DOK7: variants seen among roughly 807,000 people sequenced by gnomAD.
DOK7 encodes the protein docking protein 7.
Under a neutral mutation model 30.7 loss-of-function variants are expected in DOK7, and 32 were observed. The observed-to-expected ratio is 1.04, with a 90% CI of 0.79 to 1.40. DOK7 has a LOEUF of 1.40. DOK7 is among the 40% of genes most tolerant of loss of function. DOK7 has a pLI of 0.00. For missense variants in DOK7, 1,007 were observed against 699.2 expected (o/e 1.44, Z -4.97); for synonymous variants, 447 against 324.1 (o/e 1.38, Z -4.07).
At chr4:3,467,648 G>A (rs1281223518) in intron 2 of DOK7, among the ~76,000 whole-genome samples, 1 of 150,824 alleles carries the variant, frequency 6.6e-6, no homozygotes, top group African/African-American at 2.5e-5. Flanking sequence ...GCATTTGGGT[G>A]AGTGTGTAAG....
chr4:3,478,480 C>T (rs561241588), intron 4 of DOK7, among the ~76,000 whole-genome samples: 195 of 147,646 alleles, frequency 1.3e-3, no homozygotes, highest in Middle Eastern at 6.9e-3. Context: ...CAGCCCCACC[C>T]GCAAACCTGC....
intron 4 of DOK7, among the ~76,000 whole-genome samples, chr4:3,481,597 G>A (rs1727448565): frequency 6.6e-6 from 1 of 152,092 alleles, no homozygotes; most frequent in Non-Finnish European, 1.5e-5. Context: ...TGCCACCTTG[G>A]GGGATGGAGA....
intron 4 of DOK7, among the ~76,000 whole-genome samples, chr4:3,480,843 G>A (rs1727401372): frequency 1.3e-5 from 2 of 152,266 alleles, no homozygotes; most frequent in South Asian, 4.1e-4. Context: ...GGCCTCAGAG[G>A]CTGCGTGAGA....
chr4:3,470,476 G>A (rs989839788), intron 2 of DOK7, among the ~76,000 whole-genome samples: 1 of 152,190 alleles, frequency 6.6e-6, no homozygotes, highest in Non-Finnish European at 1.5e-5. Context: ...CAGACAGGCC[G>A]AGGGGTGGCG....
At position 3,494,247 on chromosome 4, in the gene DOK7, A is replaced by G. The variant is rs557787246; in HGVS notation, c.*746A>G. Reference sequence around the variant, plus strand: ...CCTGTCTGAACCTCCTCGCAGGGCCAAAGGCTGGCTTGGCCTGTGTTTCCC... The same window carrying G: ...CCTGTCTGAACCTCCTCGCAGGGCCGAAGGCTGGCTTGGCCTGTGTTTCCC... On this transcript the variant is annotated 3_prime_UTR_variant, in exon 7 of 7. Transcript: ENST00000340083. The G allele has an allele frequency of 6.1e-6, 6 of 985,398 alleles. No individual in the cohort carries two copies. In the African/African-American group the frequency reaches 7.0e-5, roughly 11 times the overall value. 61.0% of individuals were successfully genotyped at this position (985,398 alleles called of 1,614,324 possible). A position where few individuals can be genotyped will look rare whatever the true frequency, so the allele number is the denominator to read the frequency against.
Position 3,493,307 on chromosome 4 carries a change from G to C in DOK7, c.1321G>C (p.Gly441Arg), listed in dbSNP as rs778266118. The change falls in exon 7 of 7, where the codon GGG (glycine) becomes CGG (arginine). Residue 441 changes from glycine to arginine, a missense_variant. Gly to Arg is a moderately radical substitution (Grantham distance 125, BLOSUM62 -2). Transcript: ENST00000340083. Reference protein sequence around the residue: ...ARDSGGQTSAGCPSGWLGTRR... With the variant: ...ARDSGGQTSARCPSGWLGTRR... ...GGACTCAGGCGGCCAGACGTCCGCC[G>C]GGTGTCCCTCTGGCTGGCTGGGCAC... 3.7e-6 allele frequency: 6 copies of C among 1,605,842 alleles called. No homozygotes were observed. The highest frequency in any genetic ancestry group is 1.3e-5 in the African/African-American group (1 of 74,784).
chr4:3,491,093 A>G (rs1219224580), intron 6 of DOK7, among the ~76,000 whole-genome samples: 1 of 86,446 alleles, frequency 1.2e-5, no homozygotes, highest in African/African-American at 4.9e-5. Flanking sequence ...ACTCCTGCTC[A>G]TTAATTCCTT....
At chr4:3,473,783 C>T (rs1726912742) in intron 3 of DOK7, 147 bp downstream of exon 3, 1 of 820,254 alleles carries the variant, frequency 1.2e-6, no homozygotes, top group Middle Eastern at 3.7e-4. Flanking sequence ...GTGGACTGAG[C>T]TCCAGCCTGG....
At chr4:3,499,674 G>T (rs1009332841) in intron 6 of DOK7, among the ~76,000 whole-genome samples, 5 of 142,240 alleles carry the variant, frequency 3.5e-5, no homozygotes, top group African/African-American at 4.9e-5. Flanking sequence ...CTCCTATGAG[G>T]GGGGAGAGGG....
At chr4:3,495,687 G>A (rs997944601), downstream of DOK7, among the ~76,000 whole-genome samples, 1 of 152,208 alleles carries the variant, frequency 6.6e-6, no homozygotes, top group South Asian at 2.1e-4. Flanking sequence ...ACAGACACTG[G>A]TTCTGTTTTC....
intron 6 of DOK7, among the ~76,000 whole-genome samples, chr4:3,491,800 CATTGTGGGGAGAG>C (rs1728481441): frequency 6.6e-6 from 1 of 152,230 alleles, no homozygotes; most frequent in South Asian, 2.1e-4. Flanking sequence ...GCTCTGTTGC[CATTGTGGGGAGAG>C]GTGGTGGTGG....
At chr4:3,485,680 G>GCCGGGGAGGGTGCGCT (rs1727733556) in intron 5 of DOK7, 22 bp downstream of exon 5, 4 of 1,533,352 alleles carry the variant, frequency 2.6e-6, no homozygotes, top group Non-Finnish European at 3.5e-6. Context: ...AGCCTGGCCG[G>GCCGGGGAGGGTGCGCT]CCGGGGAGGG....
chr4:3,470,525 T>C (rs1190904940), intron 2 of DOK7, among the ~76,000 whole-genome samples: 2 of 152,084 alleles, frequency 1.3e-5, no homozygotes, highest in African/African-American at 4.8e-5. Context: ...CGAGCGTGGG[T>C]TCAGCATGCG....
At chr4:3,498,225 G>A (rs892822370), downstream of DOK7, among the ~76,000 whole-genome samples, 2 of 152,162 alleles carry the variant, frequency 1.3e-5, no homozygotes, top group East Asian at 3.9e-4. Flanking sequence ...CACAGAAGCC[G>A]AAGCAAAATC....
rs751362567 is a variant in DOK7, at chr4:3,467,093, G to A, written c.100+3542G>A. Among the ~76,000 whole-genome samples, 4 of 152,070 alleles carry A rather than the reference G, an allele frequency of 2.6e-5. No individual in the cohort carries two copies. The East Asian group carries it at 5.8e-4, about 22-fold the overall frequency. On this transcript the variant is annotated intron_variant, in intron 2 of 6. Transcript: ENST00000340083. Reference sequence around the variant, plus strand: ...GTCCCCTCAGGCGGCTACCACCTGCGTTGCTAAGGGCACAGCCTCAAGGTC... The same window carrying A: ...GTCCCCTCAGGCGGCTACCACCTGCATTGCTAAGGGCACAGCCTCAAGGTC...
In DOK7 at chr4:3,494,355, C is replaced by T. The variant is rs1728771005; in HGVS notation, c.*854C>T. On this transcript the variant is annotated 3_prime_UTR_variant, in exon 7 of 7. Coordinates refer to ENST00000340083, the MANE Select transcript of DOK7 (RefSeq NM_173660.5). ...CCGCCCTGGGTGGCTTCCTCTTGCACAGCCTGGAGCCTGCCCTGACCACAG... is the reference window on the plus strand; with the variant it reads ...CCGCCCTGGGTGGCTTCCTCTTGCATAGCCTGGAGCCTGCCCTGACCACAG... 6.1e-6 allele frequency: 6 copies of T among 985,666 alleles called. No individual in the cohort carries two copies. Among genetic ancestry groups the T allele is most frequent in the Non-Finnish European group, 7.2e-6 (6 of 830,220 alleles). 61.1% of individuals were successfully genotyped at this position (985,666 alleles called of 1,614,324 possible).
At chr4:3,498,680 G>T (rs929946123), downstream of DOK7, among the ~76,000 whole-genome samples, 3 of 152,138 alleles carry the variant, frequency 2.0e-5, no homozygotes, top group Non-Finnish European at 4.4e-5. Flanking sequence ...TAGGCAGCTG[G>T]CCCTGCTGGC....
intron 5 of DOK7, among the ~76,000 whole-genome samples, 173 bp downstream of exon 5, chr4:3,485,831 C>T (rs1424483241): frequency 6.6e-6 from 1 of 152,262 alleles, no homozygotes; most frequent in Non-Finnish European, 1.5e-5. Flanking sequence ...CTTCTGCAAG[C>T]CCTGCTGAGG....
At chr4:3,485,403 T>A in intron 4 of DOK7, 136 bp from the exon 5 acceptor site, 1 of 1,225,404 alleles carries the variant, frequency 8.2e-7, no homozygotes. Flanking sequence ...GCTCTGGGCA[T>A]CTGACTTCGT....
Sources: gnomAD v4.1 joint callset for allele counts (sites outside exome capture counted in the v4.1 genomes callset) on GRCh38, gnomAD v4.1.1 for gene constraint, MANE v1.5 for transcripts, NCBI Gene and HGNC (gene_info 2026-07-23, HGNC 2026-07-21) for gene names.